The following TNR variants were observed in gnomAD, a reference collection of about 807,000 sequenced individuals.
TNR encodes tenascin-R.
A neutral mutation model predicts 150.4 loss-of-function variants in TNR; 45 were observed. The observed-to-expected ratio is 0.30, with a 90% CI of 0.24 to 0.38. The LOEUF is 0.38. Ranked by LOEUF, TNR falls within the 10% of genes least tolerant of loss-of-function variation. TNR has a pLI of 1.00. For missense variants in TNR, 1,544 were observed against 1,759.1 expected (o/e 0.88, Z 2.19); for synonymous variants, 687 against 678.4 (o/e 1.01, Z -0.20).
chr1:175,455,466 C>T (rs1571464414), intron 2 of TNR, among the ~76,000 whole-genome samples: 1 of 152,310 alleles, frequency 6.6e-6, no homozygotes, highest in African/African-American at 2.4e-5. Context: ...AAAGAAAGAT[C>T]CTTGCTGTCT....
chr1:175,338,552 C>G (rs942949629), intron 18 of TNR, among the ~76,000 whole-genome samples: 1 of 152,128 alleles, frequency 6.6e-6, no homozygotes, highest in Non-Finnish European at 1.5e-5. Flanking sequence ...GGTTTGGGTG[C>G]TCTGTAAATA....
chr1:175,331,047 T>TTCTTTCTTTCTTTCTTTCTTTCTG (rs1649777594), intron 20 of TNR, among the ~76,000 whole-genome samples: 3 of 91,006 alleles, frequency 3.3e-5, no homozygotes, highest in African/African-American at 1.3e-4. Context: ...CTTTCTTTCT[T>TTCTTTCTTTCTTTCTTTCTTTCTG]TCTTTCTTTC....
intron 1 of TNR, among the ~76,000 whole-genome samples, chr1:175,609,362 A>C (rs1379874098): frequency 6.6e-6 from 1 of 152,236 alleles, no homozygotes; most frequent in Non-Finnish European, 1.5e-5. Context: ...GCAGGGACTG[A>C]AGATAAACAG....
intron 2 of TNR, among the ~76,000 whole-genome samples, chr1:175,413,377 A>G (rs1245395986): frequency 6.6e-6 from 1 of 152,208 alleles, no homozygotes; most frequent in Non-Finnish European, 1.5e-5. Context: ...GCTTGCCATG[A>G]GGAAGGCGTG....
chr1:175,460,237 G>A (rs859375), intron 2 of TNR, among the ~76,000 whole-genome samples: 2 of 151,854 alleles, frequency 1.3e-5, no homozygotes, highest in Non-Finnish European at 2.9e-5. Context: ...AAAGTGACAC[G>A]TGCCCAAGGT....
chr1:175,513,968 TCCACACTGGAC>T (rs1391189765), intron 2 of TNR, among the ~76,000 whole-genome samples: 2 of 152,270 alleles, frequency 1.3e-5, no homozygotes, highest in East Asian at 3.9e-4. Context: ...CATTGGAAGG[TCCACACTGGAC>T]CCATGAGGTT....
At position 175,337,567 on chromosome 1, in the gene TNR, T is replaced by G. The variant is rs867581997; in HGVS notation, c.3495A>C (p.Gln1165His). The G allele has an allele frequency of 1.2e-6, 2 of 1,613,778 alleles. No individual in the cohort carries two copies. The highest frequency in any genetic ancestry group is 2.7e-5 in the African/African-American group (2 of 74,938). ...CGTCGGTGGTCATATCACAGTACAC[T>G]TGTAATTTCTGGCTCAGCTCCCCAT... is the stretch of plus-strand genomic sequence containing the variant. Reference protein sequence around the residue: ...FLNGELSQKLQVYCDMTTDGG... With the variant: ...FLNGELSQKLHVYCDMTTDGG... Residue 1165 changes from glutamine (Q) to histidine (H), a missense_variant, in exon 19 of 23, where the codon CAA (glutamine) becomes CAC (histidine). By Grantham distance (24) the Gln-to-His change is conservative. Around this residue, in one of 2 missense-constraint regions of TNR, gnomAD observed 290 missense variants for 429.7 expected, o/e 0.67. Coordinates refer to ENST00000367674, the MANE Select transcript of TNR (RefSeq NM_003285.3).
intron 2 of TNR, among the ~76,000 whole-genome samples, chr1:175,516,099 C>A (rs1480233414): frequency 6.6e-6 from 1 of 152,132 alleles, no homozygotes; most frequent in African/African-American, 2.4e-5. Context: ...TATTCAGAAC[C>A]ATTTATTCAG....
chr1:175,439,423 T>G (rs1557935205), intron 2 of TNR, among the ~76,000 whole-genome samples: 2 of 151,972 alleles, frequency 1.3e-5, no homozygotes, highest in African/African-American at 4.8e-5. Context: ...ATAAAAACCC[T>G]AGAAGAAAAC....
intron 1 of TNR, among the ~76,000 whole-genome samples, chr1:175,704,615 A>T (rs964214381): frequency 6.6e-6 from 1 of 152,060 alleles, no homozygotes; most frequent in African/African-American, 2.4e-5. Flanking sequence ...TGCTTTCCCC[A>T]ATGGGGAGGA....
chr1:175,487,866 C>G (rs890340439), intron 2 of TNR, among the ~76,000 whole-genome samples: 1 of 152,138 alleles, frequency 6.6e-6, no homozygotes, highest in Non-Finnish European at 1.5e-5. Flanking sequence ...CTCCTGATCA[C>G]TTATCAGGAA....
At chr1:175,536,207 T>A (rs1467577064) in intron 1 of TNR, among the ~76,000 whole-genome samples, 1 of 152,244 alleles carries the variant, frequency 6.6e-6, no homozygotes, top group Non-Finnish European at 1.5e-5. Context: ...TTTATACATT[T>A]ATACCATTAT....
At chr1:175,553,674 C>T (rs1661032074) in intron 1 of TNR, among the ~76,000 whole-genome samples, 1 of 151,978 alleles carries the variant, frequency 6.6e-6, no homozygotes, top group African/African-American at 2.4e-5. Context: ...AAGAAAAATA[C>T]AATAATAATA....
intron 1 of TNR, among the ~76,000 whole-genome samples, chr1:175,707,821 A>G (rs1189745548): frequency 6.6e-6 from 1 of 152,172 alleles, no homozygotes; most frequent in Non-Finnish European, 1.5e-5. Flanking sequence ...TTAAGTTAAA[A>G]TTATTTACTA....
intron 2 of TNR, among the ~76,000 whole-genome samples, chr1:175,426,516 T>C (rs1654973542): frequency 6.6e-6 from 1 of 152,064 alleles, no homozygotes; most frequent in Non-Finnish European, 1.5e-5. Context: ...CGGGCAGAAC[T>C]TGAAAGTGAC....
chr1:175,400,386 T>A (rs1653653403), intron 4 of TNR, among the ~76,000 whole-genome samples: 1 of 152,252 alleles, frequency 6.6e-6, no homozygotes, highest in Non-Finnish European at 1.5e-5. Context: ...CACTGACTGC[T>A]GCTTTTTAAA....
In TNR at chr1:175,406,583, T is replaced by G; in HGVS notation, c.132A>C (p.Ser44=). 1 of 1,614,206 alleles carries G rather than the reference T, an allele frequency of 6.2e-7. No individual in the cohort carries two copies. Among genetic ancestry groups the G allele is most frequent in the Non-Finnish European group, 8.5e-7 (1 of 1,180,034 alleles). The change falls in exon 3 of 23, where the codon TCA becomes TCC. Residue 44 remains serine, a synonymous_variant. Transcript: ENST00000367674. ...EVTTERVQRQ[S]VEEEGGIANY... The stretch of plus-strand genomic sequence containing the variant: ...TGGCAATGCCTCCCTCCTCCTCCAC[T>G]GACTGTCTCTGGACCCTTTCTGTGG...
At chr1:175,520,652 T>C (rs1303918473) in intron 2 of TNR, among the ~76,000 whole-genome samples, 2 of 152,112 alleles carry the variant, frequency 1.3e-5, no homozygotes, top group African/African-American at 4.8e-5. Context: ...TCTGGCTTTG[T>C]TGCATTGTGA....
At chr1:175,349,627 G>T (rs1359858189) in intron 18 of TNR, among the ~76,000 whole-genome samples, 6 of 152,164 alleles carry the variant, frequency 3.9e-5, no homozygotes, top group African/African-American at 1.4e-4. Context: ...GCCTATGGAA[G>T]GTGGAAGAAG....
Sources: gnomAD v4.1 joint callset for allele counts (sites outside exome capture counted in the v4.1 genomes callset) on GRCh38, gnomAD v4.1.1 for gene constraint, gnomAD v4.1.1 regional missense constraint, MANE v1.5 for transcripts, NCBI Gene and HGNC (gene_info 2026-07-23, HGNC 2026-07-21) for gene names.